The following CLPTM1L variants were observed in gnomAD, a reference collection of about 807,000 sequenced individuals.
CLPTM1L encodes lipid scramblase CLPTM1L.
In CLPTM1L, 38 loss-of-function variants were observed where a neutral mutation model predicts 70.9. That is an observed-to-expected ratio of 0.54 (90% CI 0.41 to 0.70). The LOEUF is 0.70. Among genes scored for constraint, CLPTM1L ranks in the 30% least tolerant of loss-of-function variants. CLPTM1L has a pLI of 0.00. For missense variants in CLPTM1L, 652 were observed against 705.9 expected, an observed-to-expected ratio of 0.92 and a Z score of 0.87; for synonymous variants, 339 against 299.9, an observed-to-expected ratio of 1.13 and a Z score of -1.35.
intron 9 of CLPTM1L, among the ~76,000 whole-genome samples, chr5:1,328,678 C>G (rs1156320573): frequency 5.8e-4 from 87 of 151,096 alleles, no homozygotes; most frequent in Admixed American, 1.7e-3. Flanking sequence ...TCTACAGACA[C>G]ATTTCATCCA....
At chr5:1,335,922 T>C (rs920461921) in intron 5 of CLPTM1L, among the ~76,000 whole-genome samples, 3 of 148,216 alleles carry the variant, frequency 2.0e-5, no homozygotes, top group African/African-American at 5.0e-5. Context: ...TGTGCTCTAA[T>C]CCACCTGCCC....
In CLPTM1L at chr5:1,341,431, C is replaced by A. The variant is rs554487105; in HGVS notation, c.453+240G>T. ...AGGGCCCATTCCCCGAGGGACTCTGCATCGAGAATGCCAGCGATCACTTCA... is the reference window on the plus strand; with the variant it reads ...AGGGCCCATTCCCCGAGGGACTCTGAATCGAGAATGCCAGCGATCACTTCA... On this transcript the variant is annotated intron_variant, in intron 3 of 16. Transcript: ENST00000320895. Among the ~76,000 whole-genome samples, 151 of 152,310 alleles carry A rather than the reference C, an allele frequency of 9.9e-4. 3 individuals carry two copies. The highest frequency in any genetic ancestry group is 7.9e-3 in the South Asian group (38 of 4,820).
chr5:1,320,453 TGGAACCCAAGTTTAGGCAAGACA>T, intron 16 of CLPTM1L, 140 bp downstream of exon 16: 1 of 487,322 alleles, frequency 2.1e-6, no homozygotes, highest in African/African-American at 2.0e-5. Flanking sequence ...CATGGGCAAC[TGGAACCCAAGTTTAGGCAAGACA>T]GGAAAAACCA....
rs528448859 is a variant in CLPTM1L at position 1,340,714 on chromosome 5, CGA to C, written c.453+955_453+956del. Among the ~76,000 whole-genome samples, 445 of 152,230 alleles carry C rather than the reference CGA, an allele frequency of 2.9e-3. 1 individual carries two copies. The highest frequency in any genetic ancestry group is 0.01 in the African/African-American group (428 of 41,530). On this transcript the variant is annotated intron_variant, in intron 3 of 16. Coordinates refer to ENST00000320895, the MANE Select transcript of CLPTM1L (RefSeq NM_030782.5). ...AGGGCTTTCAAAACCCCATCAACTC[CGA>C]GAGACCTCTCTTTCTCTCTGTCTGG...
At chr5:1,339,185 G>A (rs562721652) in intron 3 of CLPTM1L, among the ~76,000 whole-genome samples, 180 bp from the exon 4 acceptor site, 56 of 146,556 alleles carry the variant, frequency 3.8e-4, no homozygotes, top group Non-Finnish European at 7.1e-4. Context: ...AACTGTGCCC[G>A]GGACAGCAGG....
chr5:1,327,667 A>C (rs1225180979), intron 9 of CLPTM1L, among the ~76,000 whole-genome samples: 1 of 147,600 alleles, frequency 6.8e-6, no homozygotes, highest in African/African-American at 2.5e-5. Flanking sequence ...GACACATTTC[A>C]TCCAGCTCCT....
rs3222913 is a variant in CLPTM1L at position 1,342,039 on chromosome 5, T to TGTGTGTGTGTGTGTGCGCGC, written c.264-180_264-179insGCGCGCACACACACACACAC. On this transcript the variant is annotated intron_variant, in intron 2 of 16. Transcript: ENST00000320895. The surrounding 1 kb of genome is among the most constrained non-coding windows in gnomAD (Gnocchi z 4.3). ...GTGTGTGTGTGTGTGTGTGTGTGTG[T>TGTGTGTGTGTGTGTGCGCGC]GCACGCGCACGCGTGCGCGTCCTGA... is the stretch of plus-strand genomic sequence containing the variant. Among the ~76,000 whole-genome samples the TGTGTGTGTGTGTGTGCGCGC allele has an allele frequency of 1.3e-4, 19 of 149,090 alleles. No individual in the cohort carries two copies. Among genetic ancestry groups the TGTGTGTGTGTGTGTGCGCGC allele is most frequent in the African/African-American group, 3.8e-4 (15 of 39,784 alleles).
Position 1,341,744 on chromosome 5 carries a change from A to T in CLPTM1L, c.380T>A (p.Val127Asp), listed in dbSNP as rs1753946250. The change falls in exon 3 of 17, where the codon GTC becomes GAC. Residue 127 changes from valine (V) to aspartate (D), a missense_variant. By Grantham distance (152) the Val-to-Asp change is radical. Transcript: ENST00000320895. ...PWHDGKQVHL[V>D]SPLTTYMVPK... ...GACCATGTAGGTGGTCAGAGGACTGACCAGGTGCACCTGCTTCCCGTCGTG... is the reference window on the plus strand; with the variant it reads ...GACCATGTAGGTGGTCAGAGGACTGTCCAGGTGCACCTGCTTCCCGTCGTG... 1 of 1,613,914 alleles carries T rather than the reference A, an allele frequency of 6.2e-7. No individual in the cohort carries two copies. The highest frequency in any genetic ancestry group is 8.5e-7 in the Non-Finnish European group (1 of 1,180,020).
At chr5:1,327,108 C>G (rs1242498175) in intron 9 of CLPTM1L, among the ~76,000 whole-genome samples, 88 of 148,956 alleles carry the variant, frequency 5.9e-4, no homozygotes, top group South Asian at 4.6e-3. Flanking sequence ...CCTCGACAGA[C>G]ACATTCCATC....
chr5:1,336,680 A>G lies in CLPTM1L; in HGVS notation c.678+1224T>C, dbSNP rs1753594696. 1.3e-5 allele frequency among the ~76,000 whole-genome samples: 2 copies of G among 152,234 alleles called. 1 individual carries two copies. Among genetic ancestry groups the G allele is most frequent in the South Asian group, 4.1e-4 (2 of 4,834 alleles). ...AAACAGAGAAAGAGGTTGGAATTGC[A>G]GGGGCCGACAGAGAAACTACTCAGG... is the stretch of plus-strand genomic sequence containing the variant. On this transcript the variant is annotated intron_variant, in intron 5 of 16. Transcript: ENST00000320895.
At chr5:1,337,486 C>T (rs996051072) in intron 5 of CLPTM1L, among the ~76,000 whole-genome samples, 7 of 152,196 alleles carry the variant, frequency 4.6e-5, no homozygotes, top group African/African-American at 1.4e-4. Context: ...CTCCTCTGGC[C>T]GCCTGTGCAG....
At position 1,323,857 on chromosome 5, in the gene CLPTM1L, A is replaced by G. The variant is rs772092980; in HGVS notation, c.1210T>C (p.Leu404=). 1.2e-6 allele frequency: 2 copies of G among 1,613,524 alleles called. No homozygotes were observed. Among genetic ancestry groups the G allele is most frequent in the Non-Finnish European group, 1.7e-6 (2 of 1,179,742 alleles). ...CAGAGAGGGTACAGCAGGTATGACA[A>G]GTACTTCATGGCCTGCAGGGAACAA... ...EEYDTQAMKY[L]SYLLYPLCVG... is the part of the protein sequence containing the mutation. Residue 404 remains leucine (L), a synonymous_variant, in exon 12 of 17, where the codon TTG becomes CTG. Transcript: ENST00000320895.
rs199877453 is a variant in CLPTM1L at position 1,318,385 on chromosome 5, G to A, written c.1601C>T (p.Ala534Val). The change falls in exon 17 of 17, where the codon GCG becomes GTG. Residue 534 changes from alanine (A) to valine (V), a missense_variant. By Grantham distance (64) the Ala-to-Val change is moderately conservative. Coordinates refer to ENST00000320895, the MANE Select transcript of CLPTM1L (RefSeq NM_030782.5). The surrounding 1 kb of genome is among the most constrained non-coding windows in gnomAD (Gnocchi z 8.9). ...GGGCGGCCTTCAGTCCGTGTGGGGC[G>A]CCCGCGTGGCCTTCTCCTCGTAGGA... Reference protein sequence around the residue: ...GESYEEKATRAPHTD With the variant: ...GESYEEKATRVPHTD 6.7e-5 allele frequency: 108 copies of A among 1,613,500 alleles called. No individual in the cohort carries two copies. The highest frequency in any genetic ancestry group is 1.6e-4 in the Middle Eastern group (1 of 6,084).
chr5:1,331,289 CCCTA>C (rs1753071066), intron 8 of CLPTM1L: 2 of 156,392 alleles, frequency 1.3e-5, no homozygotes, highest in African/African-American at 4.8e-5. Flanking sequence ...TCCCTGACTG[CCCTA>C]CCTAACAGCT....
chr5:1,323,661 C>G (rs1324588900), intron 12 of CLPTM1L, 126 bp downstream of exon 12: 1 of 711,620 alleles, frequency 1.4e-6, no homozygotes, highest in Non-Finnish European at 2.4e-6. Context: ...CAGGACCCCT[C>G]CCAGGCGCTG....
intron 12 of CLPTM1L, among the ~76,000 whole-genome samples, chr5:1,323,580 G>C (rs1579620943): frequency 1.3e-5 from 2 of 152,308 alleles, no homozygotes; most frequent in Middle Eastern, 6.8e-3. Context: ...GGTGGCTGGA[G>C]TCAGTCCTCT....
chr5:1,320,402 G>A (rs2126716851), intron 16 of CLPTM1L: 1 of 453,810 alleles, frequency 2.2e-6, no homozygotes, highest in East Asian at 3.5e-5. Context: ...CTAAAGCACA[G>A]TGAGGAGACA....
At chr5:1,344,300 G>C in intron 2 of CLPTM1L, 51 bp downstream of exon 2, 1 of 1,220,238 alleles carries the variant, frequency 8.2e-7, no homozygotes, top group Non-Finnish European at 1.2e-6. Context: ...TAAACAATCT[G>C]AACATGAGTA....
chr5:1,330,437 T>C, intron 8 of CLPTM1L, 54 bp from the exon 9 acceptor site: 1 of 1,464,730 alleles, frequency 6.8e-7, no homozygotes, highest in Non-Finnish European at 9.5e-7. Context: ...CCCACCTGTG[T>C]TCCCCAAGTC....
Sources: allele counts gnomAD v4.1 joint callset (sites outside exome capture counted in the v4.1 genomes callset), GRCh38; gene constraint gnomAD v4.1.1; non-coding constraint Gnocchi (gnomAD v3.1); transcripts MANE v1.5; gene names NCBI Gene and HGNC (gene_info 2026-07-23, HGNC 2026-07-21).